The following ZZEF1 variants were observed in gnomAD, a reference collection of about 807,000 sequenced individuals.
ZZEF1 encodes zinc finger ZZ-type and EF-hand domain-containing protein 1.
In ZZEF1, 157 loss-of-function variants were observed where a neutral mutation model predicts 342.8. The ratio of observed to expected loss-of-function variants is 0.46; its 90% CI spans 0.40 to 0.52. The LOEUF is 0.52. Among genes scored for constraint, ZZEF1 ranks in the 20% least tolerant of loss-of-function variants. ZZEF1 has a pLI of 0.00. For synonymous variants in ZZEF1, 1,505 were observed against 1,429.1 expected (o/e 1.05, Z -1.20); for missense variants, 3,480 against 3,725.6 (o/e 0.93, Z 1.72).
At chr17:4,032,030 G>T in intron 42 of ZZEF1, 96 bp downstream of exon 42, 1 of 1,337,550 alleles carries the variant, frequency 7.5e-7, no homozygotes, top group African/African-American at 1.5e-5. Context: ...AAAATCACAC[G>T]CAGGCCAAGA....
At chr17:4,046,896 C>A (rs918985799) in intron 37 of ZZEF1, among the ~76,000 whole-genome samples, 1 of 152,154 alleles carries the variant, frequency 6.6e-6, no homozygotes, top group Non-Finnish European at 1.5e-5. Context: ...AAGGTAGATA[C>A]CCTTACCAGG....
intron 4 of ZZEF1, 44 bp downstream of exon 4, chr17:4,114,255 A>C (rs769004191): frequency 2.8e-6 from 4 of 1,417,146 alleles, no homozygotes; most frequent in Non-Finnish European, 3.7e-6. Context: ...AGAAGAAAAC[A>C]ATCCAAAATT....
chr17:4,025,135 G>C lies in ZZEF1; in HGVS notation c.6893-17C>G, dbSNP rs1404716377. On this transcript the variant is annotated splice_polypyrimidine_tract_variant and intron_variant, in intron 42 of 54. Coordinates refer to ENST00000381638, the MANE Select transcript of ZZEF1 (RefSeq NM_015113.4). ...AGTCCTTCACTGAAGGGTGACATCA[G>C]GCAGAAAAAGAAAGGCACAAAAGTA... 1.2e-6 allele frequency: 2 copies of C among 1,612,950 alleles called. No homozygotes were observed. Among genetic ancestry groups the C allele is most frequent in the Non-Finnish European group, 1.7e-6 (2 of 1,179,436 alleles).
In ZZEF1 at chr17:4,075,065, A is replaced by G. The variant is rs1195691882; in HGVS notation, c.3483+32T>C. The G allele has an allele frequency of 3.7e-6, 6 of 1,609,552 alleles. No individual in the cohort carries two copies. The Admixed American group carries it at 1.0e-4, about 27-fold the overall frequency. On this transcript the variant is annotated intron_variant, in intron 23 of 54. Transcript: ENST00000381638. ...ACAAAAGGAAAAGCATTGGTGCAGA[A>G]GTAGGTACCTCTTTCTGGGACTATC...
At chr17:4,109,508 C>T (rs946414516) in intron 6 of ZZEF1, 145 bp downstream of exon 6, 5 of 757,746 alleles carry the variant, frequency 6.6e-6, no homozygotes, top group Non-Finnish European at 1.1e-5. Context: ...CTGAGTGGCA[C>T]GAACAGGAAA....
At chr17:4,036,684 T>C (rs373082202) in intron 39 of ZZEF1, among the ~76,000 whole-genome samples, 1 of 150,514 alleles carries the variant, frequency 6.6e-6, no homozygotes, top group Admixed American at 6.6e-5. Context: ...TGAGCAGAGA[T>C]TGCACCACTG....
In ZZEF1 at chr17:4,116,978, C is replaced by T. The variant is rs2058404673; in HGVS notation, c.688G>A (p.Glu230Lys). 7 of 1,605,782 alleles carry T rather than the reference C, an allele frequency of 4.4e-6. No homozygotes were observed. Among genetic ancestry groups the T allele is most frequent in the Non-Finnish European group, 5.1e-6 (6 of 1,174,248 alleles). ...AACCCCCACACACACATACCCTTTT[C>T]CTTTTGTACCAGCTGATCCAGAGAC... Reference protein sequence around the residue: ...KESLDQLVQKEKESPGDLTRS... With the variant: ...KESLDQLVQKKKESPGDLTRS... Residue 230 changes from glutamate to lysine, a missense_variant, in exon 3 of 55, where the codon GAA becomes AAA. Physicochemically the swap from Glu to Lys is moderately conservative, Grantham distance 56. Coordinates refer to ENST00000381638, the MANE Select transcript of ZZEF1 (RefSeq NM_015113.4).
Position 4,064,401 on chromosome 17 carries a change from C to T in ZZEF1, c.4678G>A (p.Val1560Ile), listed in dbSNP as rs566797440. ...GACTGATCCTTAATGAAGTCCATGA[C>T]GTCCTTCAGCACAGGGTATTTCTCT... The part of the protein sequence containing the change: ...VKEKYPVLKD[V>I]MDFIKDQSLS... Residue 1560 changes from valine to isoleucine, a missense_variant, in exon 29 of 55, where the codon GTC becomes ATC. Coordinates refer to ENST00000381638, the MANE Select transcript of ZZEF1 (RefSeq NM_015113.4). The T allele has an allele frequency of 2.1e-5, 34 of 1,606,954 alleles. No homozygotes were observed. Among genetic ancestry groups the T allele is most frequent in the Non-Finnish European group, 2.6e-5 (30 of 1,174,282 alleles).
chr17:4,135,434 A>C (rs2058732652), intron 1 of ZZEF1, among the ~76,000 whole-genome samples: 1 of 151,710 alleles, frequency 6.6e-6, no homozygotes, highest in African/African-American at 2.4e-5. Flanking sequence ...TGAAATCACC[A>C]CTGCACTGCA....
At chr17:4,040,927 C>T (rs906460246) in intron 39 of ZZEF1, among the ~76,000 whole-genome samples, 17 of 152,204 alleles carry the variant, frequency 1.1e-4, no homozygotes, top group African/African-American at 3.9e-4. Flanking sequence ...GCTCAACGTG[C>T]TACCCAGTGA....
chr17:4,112,072 A>G lies in ZZEF1; in HGVS notation c.1066+537T>C, dbSNP rs867307755. On this transcript the variant is annotated intron_variant, in intron 5 of 54. Transcript: ENST00000381638. ...TATATATATATATATATATATATAT[A>G]TATATATATATATATATATATGTTT... Among the ~76,000 whole-genome samples, 3 of 47,052 alleles carry G rather than the reference A, an allele frequency of 6.4e-5. 1 individual carries two copies. Among genetic ancestry groups the G allele is most frequent in the Admixed American group, 4.1e-4 (2 of 4,824 alleles). 30.9% of individuals were successfully genotyped at this position (47,052 alleles called of 152,430 possible).
Position 4,016,187 on chromosome 17 carries a change from C to CT in ZZEF1, c.8145+135dup. ...AGACTGCAGTTTGTTCAAGGAAGCACTTTCCTGGACAGGTCTCTGCTGTCC... is the reference window on the plus strand; with the variant it reads ...AGACTGCAGTTTGTTCAAGGAAGCACTTTTCCTGGACAGGTCTCTGCTGTCC... On this transcript the variant is annotated intron_variant, in intron 49 of 54. Transcript: ENST00000381638. The surrounding 1 kb of genome is among the most constrained non-coding windows in gnomAD (Gnocchi z 4.4). The CT allele has an allele frequency of 7.4e-6, 8 of 1,073,930 alleles. No homozygotes were observed. Among genetic ancestry groups the CT allele is most frequent in the Non-Finnish European group, 1.1e-5 (8 of 755,934 alleles). The allele number at this position is 1,073,930 out of a possible 1,614,324, so 66.5% of individuals were successfully genotyped here. A position where few individuals can be genotyped will look rare whatever the true frequency, so the allele number is the denominator to read the frequency against.
In ZZEF1 at chr17:4,009,624, C is replaced by A. The variant is rs200056540; in HGVS notation, c.8713G>T (p.Val2905Phe). ...CTCACCTGGGCACGGTTCTCGGTGACGAAGAAGAGCTCAGTGAGGGCACGA... is the reference window on the plus strand; with the variant it reads ...CTCACCTGGGCACGGTTCTCGGTGAAGAAGAAGAGCTCAGTGAGGGCACGA... Reference protein sequence around the residue: ...LHRALTELFFVTENRAQELGV... With the variant: ...LHRALTELFFFTENRAQELGV... Residue 2905 changes from valine to phenylalanine, a missense_variant, in exon 53 of 55, where the codon GTC (valine) becomes TTC (phenylalanine). Val to Phe is a conservative substitution (Grantham distance 50). Around this residue, in one of 5 missense-constraint regions of ZZEF1, gnomAD observed 1,269 missense variants for 1,342.4 expected, o/e 0.95. Transcript: ENST00000381638. The A allele has an allele frequency of 1.9e-6, 3 of 1,613,608 alleles. No homozygotes were observed. Among genetic ancestry groups the A allele is most frequent in the Non-Finnish European group, 2.5e-6 (3 of 1,179,974 alleles).
chr17:4,111,762 A>T lies in ZZEF1; in HGVS notation c.1066+847T>A, dbSNP rs1330555286. Reference sequence around the variant, plus strand: ...AAAAACATATTTTATATATATGTTTATATATATATATATATTTATAATCCC... The same window carrying T: ...AAAAACATATTTTATATATATGTTTTTATATATATATATATTTATAATCCC... On this transcript the variant is annotated intron_variant, in intron 5 of 54. Coordinates refer to ENST00000381638, the MANE Select transcript of ZZEF1 (RefSeq NM_015113.4). Among the ~76,000 whole-genome samples the T allele has an allele frequency of 2.5e-4, 36 of 145,294 alleles. No homozygotes were observed. In the Admixed American group the frequency reaches 2.5e-3, roughly 10 times the overall value.
At chr17:4,012,450 G>A (rs1206472569) in intron 52 of ZZEF1, among the ~76,000 whole-genome samples, 1 of 152,152 alleles carries the variant, frequency 6.6e-6, no homozygotes, top group African/African-American at 2.4e-5. Flanking sequence ...CTGCACTCTG[G>A]CTAGCATTCT....
intron 2 of ZZEF1, among the ~76,000 whole-genome samples, chr17:4,122,376 C>T (rs2058497538): frequency 6.6e-6 from 1 of 151,126 alleles, no homozygotes; most frequent in African/African-American, 2.4e-5. Context: ...CAGGCCATGT[C>T]TTTTCTTTTT....
intron 13 of ZZEF1, 99 bp from the exon 14 acceptor site, chr17:4,087,633 G>A: frequency 9.6e-7 from 1 of 1,045,232 alleles, no homozygotes; most frequent in Non-Finnish European, 1.4e-6. Flanking sequence ...GGATGAGGTG[G>A]CTCTACATGA....
chr17:4,104,477 G>A (rs2058177298), intron 8 of ZZEF1, among the ~76,000 whole-genome samples, 156 bp downstream of exon 8: 1 of 152,130 alleles, frequency 6.6e-6, no homozygotes, highest in South Asian at 2.1e-4. Context: ...TCCTAGTAAG[G>A]TCTGATACTC....
intron 36 of ZZEF1, among the ~76,000 whole-genome samples, chr17:4,050,403 A>G (rs1433127760): frequency 1.3e-5 from 2 of 152,242 alleles, no homozygotes; most frequent in Non-Finnish European, 2.9e-5. Context: ...TTTTACTCGT[A>G]AACAGCTCTC....
Sources: gnomAD v4.1 joint callset for allele counts (sites outside exome capture counted in the v4.1 genomes callset) on GRCh38, gnomAD v4.1.1 for gene constraint, gnomAD v4.1.1 regional missense constraint, Gnocchi (gnomAD v3.1) non-coding constraint, MANE v1.5 for transcripts, NCBI Gene and HGNC (gene_info 2026-07-23, HGNC 2026-07-21) for gene names.